Variants in GPR158 observed in about 807,000 individuals in gnomAD.
GPR158 encodes metabotropic glycine receptor.
A neutral mutation model predicts 78.2 loss-of-function variants in GPR158; 30 were observed. That is an observed-to-expected ratio of 0.38 (90% CI 0.29 to 0.52). The LOEUF is 0.52. GPR158 is among the 20% of genes least tolerant of loss of function. GPR158 has a pLI of 0.83. For synonymous variants in GPR158, 581 were observed against 591.1 expected, an observed-to-expected ratio of 0.98 and a Z score of 0.25; for missense variants, 1,463 against 1,523.5, an observed-to-expected ratio of 0.96 and a Z score of 0.66.
chr10:25,331,961 T>G (rs1320857256), intron 2 of GPR158, among the ~76,000 whole-genome samples: 1 of 152,048 alleles, frequency 6.6e-6, no homozygotes, highest in Non-Finnish European at 1.5e-5. Context: ...CAATAAAAAG[T>G]TAAAAGAATA....
chr10:25,318,537 C>CCTAA (rs1854896633), intron 2 of GPR158, among the ~76,000 whole-genome samples: 1 of 151,988 alleles, frequency 6.6e-6, no homozygotes, highest in Non-Finnish European at 1.5e-5. Flanking sequence ...TCTTTCAAGG[C>CCTAA]TTAGGGCAGG....
chr10:25,264,816 T>C (rs1351143042), intron 2 of GPR158, among the ~76,000 whole-genome samples: 1 of 152,112 alleles, frequency 6.6e-6, no homozygotes, highest in Non-Finnish European at 1.5e-5. Context: ...CCTAAAAGAG[T>C]ACCTTTTCCA....
intron 7 of GPR158, among the ~76,000 whole-genome samples, chr10:25,585,293 A>G (rs1932147): frequency 7.9e-5 from 12 of 152,000 alleles, no homozygotes; most frequent in Non-Finnish European, 1.5e-4. Flanking sequence ...CTTACTCAAC[A>G]ATTATTTACT....
At chr10:25,527,418 A>C (rs1178435837) in intron 5 of GPR158, among the ~76,000 whole-genome samples, 1 of 152,204 alleles carries the variant, frequency 6.6e-6, no homozygotes, top group Admixed American at 6.5e-5. Flanking sequence ...AATTTGAATT[A>C]AATTAGTAAT....
intron 4 of GPR158, among the ~76,000 whole-genome samples, chr10:25,427,639 T>C (rs1388496407): frequency 6.6e-6 from 1 of 152,098 alleles, no homozygotes; most frequent in Admixed American, 6.6e-5. Flanking sequence ...CTTGCATGCT[T>C]TGCTCACATC....
intron 2 of GPR158, among the ~76,000 whole-genome samples, chr10:25,255,560 C>A (rs538965030): frequency 6.6e-6 from 1 of 152,122 alleles, no homozygotes. Context: ...GAATTAACTC[C>A]CTTGTGGTTA....
chr10:25,337,787 C>G (rs1855230677), intron 2 of GPR158, among the ~76,000 whole-genome samples: 1 of 152,006 alleles, frequency 6.6e-6, no homozygotes, highest in African/African-American at 2.4e-5. Context: ...GCTCCACACA[C>G]TTGCCAACCA....
intron 4 of GPR158, among the ~76,000 whole-genome samples, chr10:25,424,746 T>C (rs1189820554): frequency 3.3e-5 from 5 of 152,098 alleles, no homozygotes; most frequent in Admixed American, 6.5e-5. Flanking sequence ...GATCTATATC[T>C]CTGTTTTGGT....
chr10:25,404,216 A>C (rs1834482318), intron 3 of GPR158, among the ~76,000 whole-genome samples: 1 of 152,078 alleles, frequency 6.6e-6, no homozygotes, highest in Admixed American at 6.6e-5. Context: ...TGAGCTTTAG[A>C]AATCAGGTCT....
chr10:25,359,004 G>GT (rs60537890), intron 2 of GPR158, among the ~76,000 whole-genome samples: 5,339 of 150,316 alleles, frequency 0.036, 321 homozygotes, highest in African/African-American at 0.12. Flanking sequence ...CAAGTATTCT[G>GT]TTTTTTTTTG....
intron 9 of GPR158, among the ~76,000 whole-genome samples, chr10:25,596,340 T>C (rs1036862526): frequency 2.0e-5 from 3 of 152,052 alleles, no homozygotes; most frequent in Non-Finnish European, 4.4e-5. Context: ...AAAGTAAAGA[T>C]TCCGTTTACC....
intron 2 of GPR158, among the ~76,000 whole-genome samples, chr10:25,352,406 AAG>A (rs1855487667): frequency 6.6e-6 from 1 of 152,086 alleles, no homozygotes; most frequent in Non-Finnish European, 1.5e-5. Context: ...GCAAAATTCT[AAG>A]ATATTTCTTG....
chr10:25,385,752 G>T (rs184793122), intron 2 of GPR158, among the ~76,000 whole-genome samples: 1 of 152,048 alleles, frequency 6.6e-6, no homozygotes, highest in Admixed American at 6.5e-5. Context: ...TGGCTTATTG[G>T]CCATTGGTAT....
chr10:25,599,019 T>C lies in GPR158; in HGVS notation c.3393T>C (p.Asn1131=). ...AAGCTGTAGCATCAAAAACAGAGAATGAAAATCTCAACCAAATAGGACACC... is the reference window on the plus strand; with the variant it reads ...AAGCTGTAGCATCAAAAACAGAGAACGAAAATCTCAACCAAATAGGACACC... The part of the protein sequence containing the change: ...PPKAVASKTE[N]ENLNQIGHQE... The change falls in exon 11 of 11, where the codon AAT becomes AAC. Residue 1131 remains asparagine (N), a synonymous_variant. Coordinates refer to ENST00000376351, the MANE Select transcript of GPR158 (RefSeq NM_020752.3). 1.2e-6 allele frequency: 2 copies of C among 1,613,978 alleles called. No individual in the cohort carries two copies. Among genetic ancestry groups the C allele is most frequent in the Non-Finnish European group, 1.7e-6 (2 of 1,179,992 alleles).
chr10:25,360,980 C>T (rs1025421659), intron 2 of GPR158, among the ~76,000 whole-genome samples: 1 of 151,914 alleles, frequency 6.6e-6, no homozygotes, highest in Non-Finnish European at 1.5e-5. Flanking sequence ...TCCTTCACAT[C>T]CCTTGTAAGT....
At chr10:25,282,509 T>C (rs1854290008) in intron 2 of GPR158, among the ~76,000 whole-genome samples, 1 of 152,138 alleles carries the variant, frequency 6.6e-6, no homozygotes, top group Middle Eastern at 3.2e-3. Context: ...GGGACTGGCA[T>C]ATAGTAAATG....
chr10:25,328,929 A>C (rs1375080157), intron 2 of GPR158, among the ~76,000 whole-genome samples: 1 of 62,226 alleles, frequency 1.6e-5, no homozygotes, highest in Admixed American at 1.5e-4. Context: ...CTTCATCACA[A>C]AAAAAAAAAA....
chr10:25,218,053 T>C (rs567040904), intron 1 of GPR158, among the ~76,000 whole-genome samples: 1 of 152,206 alleles, frequency 6.6e-6, no homozygotes, highest in African/African-American at 2.4e-5. Context: ...ACGTGGGTCC[T>C]TAGGTGTTGG....
chr10:25,364,132 A>C lies in GPR158; in HGVS notation c.1009-31779A>C, dbSNP rs147917370. Among the ~76,000 whole-genome samples, 4 of 151,746 alleles carry C rather than the reference A, an allele frequency of 2.6e-5. No homozygotes were observed. The East Asian group carries it at 7.7e-4, about 29-fold the overall frequency. On this transcript the variant is annotated intron_variant, in intron 2 of 10. Coordinates refer to ENST00000376351, the MANE Select transcript of GPR158 (RefSeq NM_020752.3). ...TCTTCACATTTTATCAGTAAGGAAA[A>C]TAATATTTAAAGATATATAAGTAAT... is the stretch of plus-strand genomic sequence containing the variant.
Sources: gnomAD v4.1 joint callset for allele counts (sites outside exome capture counted in the v4.1 genomes callset) on GRCh38, gnomAD v4.1.1 for gene constraint, MANE v1.5 for transcripts, NCBI Gene and HGNC (gene_info 2026-07-23, HGNC 2026-07-21) for gene names.